Variants in FBXW8 observed in about 807,000 individuals in gnomAD.
The protein encoded by FBXW8 is F-box and WD repeat domain containing 8, also known as F-box/WD repeat-containing protein 8.
FBXW8 carries 57 observed loss-of-function variants against 65.3 expected under a neutral mutation model. That is an observed-to-expected ratio of 0.87 (90% confidence interval 0.71 to 1.09). The LOEUF (loss-of-function observed/expected upper bound fraction) is 1.09, where lower values mean the gene tolerates loss of function less well. Among genes scored for constraint, FBXW8 ranks in the 50% least tolerant of loss-of-function variants. The pLI is 0.00. For missense variants in FBXW8, 777 were observed against 814.8 expected (o/e 0.95, Z 0.57); for synonymous variants, 308 against 330.2 (o/e 0.93, Z 0.73).
chr12:116,935,422 C>A (rs561761759), intron 2 of FBXW8, among the ~76,000 whole-genome samples: 3 of 152,300 alleles, frequency 2.0e-5, no homozygotes, highest in African/African-American at 7.2e-5. Flanking sequence ...ATTGATTTTC[C>A]TGGCAAAAGT....
At chr12:116,919,055 C>G (rs533298663) in intron 1 of FBXW8, among the ~76,000 whole-genome samples, 14 of 152,186 alleles carry the variant, frequency 9.2e-5, no homozygotes, top group African/African-American at 3.4e-4. Flanking sequence ...AGAACAATTA[C>G]AACAGTATAC....
intron 4 of FBXW8, among the ~76,000 whole-genome samples, chr12:116,953,017 C>T (rs1883388334): frequency 6.6e-6 from 1 of 152,170 alleles, no homozygotes. Context: ...GGATTACAGG[C>T]GTGAGCCACT....
In FBXW8 at chr12:116,964,776, G is replaced by T; in HGVS notation, c.757G>T (p.Glu253Ter). 1 of 1,613,518 alleles carries T rather than the reference G, an allele frequency of 6.2e-7. No individual in the cohort carries two copies. Among genetic ancestry groups the T allele is most frequent in the South Asian group, 1.1e-5 (1 of 91,040 alleles). The change falls in exon 5 of 11, where the codon GAG becomes TAG. Residue 253 changes from glutamate (E) to a stop codon, truncating the protein, a stop_gained. Transcript: ENST00000652555. LOFTEE classifies it high-confidence loss of function. Reference protein sequence around the residue: ...VAPFLESEDEEDEPGMQPNVS... With the variant: ...VAPFLESEDE The stretch of plus-strand genomic sequence containing the variant: ...CCCCTTCCTGGAATCAGAGGACGAG[G>T]AGGATGAGCCTGGAATGCAGCCAAA...
chr12:116,998,037 T>C (rs1400829346), intron 7 of FBXW8, among the ~76,000 whole-genome samples: 1 of 152,200 alleles, frequency 6.6e-6, no homozygotes, highest in Non-Finnish European at 1.5e-5. Flanking sequence ...CAGGCTGGTC[T>C]TGAACTCCTG....
chr12:116,927,921 G>A, intron 1 of FBXW8, 102 bp from the exon 2 acceptor site: 3 of 681,454 alleles, frequency 4.4e-6, no homozygotes, highest in Non-Finnish European at 7.6e-6. Context: ...CATCTATCTT[G>A]TTACCACCTA....
chr12:116,936,988 G>A lies in FBXW8; in HGVS notation c.424-8376G>A, dbSNP rs1398660122. Among the ~76,000 whole-genome samples, 1 of 152,166 alleles carries A rather than the reference G, an allele frequency of 6.6e-6. No homozygotes were observed. Among genetic ancestry groups the A allele is most frequent in the African/African-American group, 2.4e-5 (1 of 41,424 alleles). On this transcript the variant is annotated intron_variant, in intron 2 of 10. Transcript: ENST00000652555. This position sits in a 1 kb window ranked among gnomAD's most constrained non-coding sequence, Gnocchi z 4.6. ...GTTGGGGGACAAGGACAGCAGCAAG[G>A]AGACCAGTTAGGAGGCCACTGAAGT...
At chr12:116,988,346 A>G (rs1006652758) in intron 6 of FBXW8, among the ~76,000 whole-genome samples, 1 of 152,230 alleles carries the variant, frequency 6.6e-6, no homozygotes, top group African/African-American at 2.4e-5. Context: ...AACATGGAAC[A>G]TGGTTTTCCC....
At chr12:116,975,982 C>T (rs1207788159) in intron 5 of FBXW8, among the ~76,000 whole-genome samples, 1 of 152,150 alleles carries the variant, frequency 6.6e-6, no homozygotes, top group Non-Finnish European at 1.5e-5. Flanking sequence ...GTTGCATCAG[C>T]GTTAATTTCC....
chr12:117,015,950 C>G (rs1953938899), intron 8 of FBXW8, among the ~76,000 whole-genome samples: 1 of 152,328 alleles, frequency 6.6e-6, no homozygotes, highest in Non-Finnish European at 1.5e-5. Context: ...CCTTTTATGA[C>G]TGGCTTATTC....
chr12:117,011,126 C>CTTTTTTT (rs1565940778), intron 8 of FBXW8, among the ~76,000 whole-genome samples: 1 of 100,340 alleles, frequency 1.0e-5, no homozygotes, highest in Non-Finnish European at 1.8e-5. Context: ...TTTTTCTTTT[C>CTTTTTTT]CTTTTTTTTT....
At chr12:116,955,545 G>A (rs748328559) in intron 4 of FBXW8, among the ~76,000 whole-genome samples, 36 of 152,194 alleles carry the variant, frequency 2.4e-4, no homozygotes, top group Non-Finnish European at 4.1e-4. Context: ...TTAGCACAGA[G>A]TTTGTCTAGA....
intron 4 of FBXW8, among the ~76,000 whole-genome samples, chr12:116,957,539 C>G (rs1334448649): frequency 6.6e-6 from 1 of 152,148 alleles, no homozygotes; most frequent in Non-Finnish European, 1.5e-5. Context: ...TAAATACTGC[C>G]TATGGATTAC....
chr12:116,947,789 G>T (rs1043001781), intron 3 of FBXW8, among the ~76,000 whole-genome samples: 1 of 151,518 alleles, frequency 6.6e-6, no homozygotes, highest in Non-Finnish European at 1.5e-5. Flanking sequence ...CAGTGTTGGG[G>T]CAAGTTGCTT....
rs569874138 is a variant in FBXW8 at position 116,980,045 on chromosome 12, A to G, written c.836-5161A>G. Among the ~76,000 whole-genome samples, 19 of 152,142 alleles carry G rather than the reference A, an allele frequency of 1.2e-4. No individual in the cohort carries two copies. The South Asian group carries it at 3.7e-3, about 30-fold the overall frequency. ...GGGATGGGGCCCCAGTTCTTGGGGG[A>G]AGCTGATTCATGGACTGGGATGGGC... On this transcript the variant is annotated intron_variant, in intron 5 of 10. Transcript: ENST00000652555.
Position 116,911,091 on chromosome 12 carries a change from G to C in FBXW8, c.54G>C (p.Ala18=), listed in dbSNP as rs763638591. ...GTCGGCGCTGGCAGGAGGAGCTGGC[G>C]CAGGCCCAGGCGCCGAAGAAGCGGC... ...EFRRRWQEEL[A]QAQAPKKRRR... The change falls in exon 1 of 11, where the codon GCG becomes GCC. Residue 18 remains alanine, a synonymous_variant. Transcript: ENST00000652555. 1 of 1,431,942 alleles carries C rather than the reference G, an allele frequency of 7.0e-7. No individual in the cohort carries two copies. Among genetic ancestry groups the C allele is most frequent in the Non-Finnish European group, 9.1e-7 (1 of 1,101,886 alleles). 88.7% of individuals were successfully genotyped at this position (1,431,942 alleles called of 1,614,324 possible). A position where few individuals can be genotyped will look rare whatever the true frequency, so the allele number is the denominator to read the frequency against.
At chr12:116,949,549 A>G (rs972831447) in intron 3 of FBXW8, 69 bp from the exon 4 acceptor site, 6 of 1,427,420 alleles carry the variant, frequency 4.2e-6, no homozygotes, top group African/African-American at 1.4e-5. Flanking sequence ...GTAGGTGAAA[A>G]AGCACGATGC....
intron 5 of FBXW8, among the ~76,000 whole-genome samples, chr12:116,976,712 C>T (rs1425187709): frequency 6.6e-6 from 1 of 151,612 alleles, no homozygotes; most frequent in Non-Finnish European, 1.5e-5. Flanking sequence ...GTGATCTGCC[C>T]TCCCTCAGCC....
chr12:117,025,403 A>G (rs187721768), intron 9 of FBXW8, among the ~76,000 whole-genome samples: 2 of 152,366 alleles, frequency 1.3e-5, no homozygotes, highest in Non-Finnish European at 2.9e-5. Flanking sequence ...AAACAGGGCA[A>G]GGCCCTCCCA....
rs1302686342 is a variant in FBXW8 at position 117,028,025 on chromosome 12, T to A, written c.1653-3T>A. On this transcript the variant is annotated splice_polypyrimidine_tract_variant and splice_region_variant and intron_variant, in intron 10 of 10. Transcript: ENST00000652555. The surrounding 1 kb of genome is among the most constrained non-coding windows in gnomAD (Gnocchi z 4.1). ...CCTGTCACCATCTTTGTGCTCTTTCTAGACACCGGGGGCTGATCCGCGCCT... is the reference window on the plus strand; with the variant it reads ...CCTGTCACCATCTTTGTGCTCTTTCAAGACACCGGGGGCTGATCCGCGCCT... 1 of 1,614,000 alleles carries A rather than the reference T, an allele frequency of 6.2e-7. No homozygotes were observed. The highest frequency in any genetic ancestry group is 1.7e-5 in the Admixed American group (1 of 60,028).
Sources: gnomAD v4.1 joint callset for allele counts (sites outside exome capture counted in the v4.1 genomes callset) on GRCh38, gnomAD v4.1.1 for gene constraint, Gnocchi (gnomAD v3.1) non-coding constraint, MANE v1.5 for transcripts, NCBI Gene and HGNC (gene_info 2026-07-23, HGNC 2026-07-21) for gene names.